Variants in HECW1 observed in about 807,000 individuals in gnomAD.
The protein encoded by HECW1 is E3 ubiquitin-protein ligase HECW1.
A neutral mutation model predicts 182.3 loss-of-function variants in HECW1; 61 were observed. The ratio of observed to expected loss-of-function variants is 0.33; its 90% CI spans 0.27 to 0.41. The LOEUF is 0.41. Among genes scored for constraint, HECW1 ranks in the 10% least tolerant of loss-of-function variants. The probability of loss-of-function intolerance (pLI) is 1.00; values close to 1 mark genes in which losing one functional copy is unlikely to be tolerated. For synonymous variants in HECW1, 859 were observed against 832.6 expected (o/e 1.03, Z -0.55); for missense variants, 1,739 against 2,108.9 (o/e 0.82, Z 3.44).
chr7:43,395,410 C>G (rs2075194138), intron 6 of HECW1, among the ~76,000 whole-genome samples: 1 of 152,192 alleles, frequency 6.6e-6, no homozygotes, highest in Non-Finnish European at 1.5e-5. Flanking sequence ...CATAATTTTG[C>G]AAAGGCAGCT....
intron 6 of HECW1, among the ~76,000 whole-genome samples, chr7:43,362,292 C>T (rs1245526489): frequency 6.6e-6 from 1 of 152,182 alleles, no homozygotes; most frequent in East Asian, 1.9e-4. Context: ...TGGTAGTAAG[C>T]AGTAAGGTAA....
chr7:43,474,399 A>G (rs2078143512), intron 16 of HECW1, among the ~76,000 whole-genome samples: 4 of 152,198 alleles, frequency 2.6e-5, no homozygotes, highest in South Asian at 4.1e-4. Flanking sequence ...CAGTGAGCCG[A>G]GATGGCGCCA....
chr7:43,244,639 G>A (rs1044209249), intron 3 of HECW1, among the ~76,000 whole-genome samples: 3 of 152,174 alleles, frequency 2.0e-5, no homozygotes, highest in African/African-American at 7.2e-5. Context: ...GGGTCATGGA[G>A]GGTTGAGTGG....
intron 8 of HECW1, among the ~76,000 whole-genome samples, chr7:43,434,261 A>C (rs1259732369): frequency 6.6e-6 from 1 of 152,240 alleles, no homozygotes; most frequent in Non-Finnish European, 1.5e-5. Flanking sequence ...AAACTTAAGA[A>C]AGTTCAATAA....
chr7:43,170,328 A>T lies in HECW1; in HGVS notation c.-32+55937A>T, dbSNP rs78902925. Among the ~76,000 whole-genome samples the T allele has an allele frequency of 4.4e-3, 669 of 152,286 alleles. 5 individuals carry two copies. The highest frequency in any genetic ancestry group is 0.015 in the African/African-American group (638 of 41,562). Reference sequence around the variant, plus strand: ...GAAATAAAGTGCACAATAAATGTAAAGTTCTTGAATCATCTCAAAATCATC... The same window carrying T: ...GAAATAAAGTGCACAATAAATGTAATGTTCTTGAATCATCTCAAAATCATC... On this transcript the variant is annotated intron_variant, in intron 2 of 29. Transcript: ENST00000395891.
At chr7:43,305,585 T>TTTGTTGTTG (rs144135825) in intron 3 of HECW1, among the ~76,000 whole-genome samples, 1,871 of 150,752 alleles carry the variant, frequency 0.012, 55 homozygotes, top group African/African-American at 0.044. Context: ...TGGATAGTGT[T>TTTGTTGTTG]TTGTTGTTGT....
chr7:43,351,678 CTTTTT>C (rs200929407), intron 5 of HECW1, among the ~76,000 whole-genome samples: 1 of 120,572 alleles, frequency 8.3e-6, no homozygotes, highest in East Asian at 2.3e-4. Flanking sequence ...TTTCTTTCTT[CTTTTT>C]TTTTTTTTTT....
rs183422069 is a variant in HECW1, at chr7:43,409,172, C to T, written c.801+1441C>T. On this transcript the variant is annotated intron_variant, in intron 8 of 29. Transcript: ENST00000395891. ...TCTCCCAGGCTTCCCAGAAGAGCTT[C>T]GTTAGAGCTTTGAAGTGGACGTGAG... 3.3e-4 allele frequency among the ~76,000 whole-genome samples: 51 copies of T among 152,302 alleles called. 1 individual carries two copies. In the East Asian group the frequency reaches 8.5e-3, roughly 25 times the overall value.
chr7:43,205,815 C>A (rs1182775737), intron 2 of HECW1, among the ~76,000 whole-genome samples: 4 of 152,164 alleles, frequency 2.6e-5, no homozygotes, highest in African/African-American at 4.8e-5. Context: ...CATTTCAGGG[C>A]AAGATGATGG....
At chr7:43,136,535 C>T (rs182134680) in intron 2 of HECW1, among the ~76,000 whole-genome samples, 35 of 152,312 alleles carry the variant, frequency 2.3e-4, no homozygotes, top group African/African-American at 3.8e-4. Context: ...CTGGCAAAAA[C>T]GGGTCACTTC....
chr7:43,231,671 C>A (rs976548769), intron 2 of HECW1, among the ~76,000 whole-genome samples: 3 of 152,028 alleles, frequency 2.0e-5, no homozygotes. Flanking sequence ...TCAGCAGGAA[C>A]CAAGTCCCGG....
rs114312325 is a variant in HECW1, at chr7:43,188,162, A to G, written c.-31-55713A>G. Among the ~76,000 whole-genome samples the G allele has an allele frequency of 3.1e-3, 472 of 152,308 alleles. 2 individuals carry two copies. Among genetic ancestry groups the G allele is most frequent in the African/African-American group, 0.011 (457 of 41,576 alleles). On this transcript the variant is annotated intron_variant, in intron 2 of 29. Coordinates refer to ENST00000395891, the MANE Select transcript of HECW1 (RefSeq NM_015052.5). Reference sequence around the variant, plus strand: ...AAAGGGATTGTTTTCGTGGCTCACCAGTTTCTTCAGCCCCATTCATTCCAA... The same window carrying G: ...AAAGGGATTGTTTTCGTGGCTCACCGGTTTCTTCAGCCCCATTCATTCCAA...
At chr7:43,553,320 A>G (rs920130680) in intron 28 of HECW1, among the ~76,000 whole-genome samples, 6 of 152,150 alleles carry the variant, frequency 3.9e-5, no homozygotes, top group Admixed American at 2.0e-4. Flanking sequence ...AGCCTCCCTC[A>G]TGTCCCCAGT....
At chr7:43,209,394 T>C (rs1003710739) in intron 2 of HECW1, among the ~76,000 whole-genome samples, 5 of 152,186 alleles carry the variant, frequency 3.3e-5, no homozygotes, top group African/African-American at 1.2e-4. Context: ...GGCATCACTC[T>C]GCTTCCTGAG....
chr7:43,254,481 A>T (rs1800358573), intron 3 of HECW1, among the ~76,000 whole-genome samples: 1 of 152,230 alleles, frequency 6.6e-6, no homozygotes. Flanking sequence ...GAAATATCTG[A>T]CTTACTAGAC....
chr7:43,327,311 AT>A, intron 5 of HECW1, among the ~76,000 whole-genome samples: 1 of 152,044 alleles, frequency 6.6e-6, no homozygotes. Flanking sequence ...GTGCCATCTG[AT>A]TTTTTTATAG....
intron 2 of HECW1, chr7:43,240,977 T>TC (rs1420562678): frequency 1.3e-5 from 2 of 152,240 alleles, no homozygotes; most frequent in African/African-American, 4.8e-5. Context: ...GCCACTTGAG[T>TC]CCAACAGAGG....
In HECW1 at chr7:43,479,746, T is replaced by A. The variant is rs1400396007; in HGVS notation, c.3234+2T>A. 1 of 1,613,840 alleles carries A rather than the reference T, an allele frequency of 6.2e-7. No individual in the cohort carries two copies. The highest frequency in any genetic ancestry group is 8.5e-7 in the Non-Finnish European group (1 of 1,179,904). ...CTCCGAAGTTACAGCGCTGGAGAGG[T>A]AACCCTCCCTACACCCCGCCCTACT... On this transcript the variant is annotated splice_donor_variant, in intron 17 of 29. Coordinates refer to ENST00000395891, the MANE Select transcript of HECW1 (RefSeq NM_015052.5). LOFTEE classifies it high-confidence loss of function.
chr7:43,374,773 C>CAAAAAAA (rs66910107), intron 6 of HECW1, among the ~76,000 whole-genome samples: 1 of 14,496 alleles, frequency 6.9e-5, no homozygotes, highest in Non-Finnish European at 9.1e-5. Flanking sequence ...GACTCCGTCT[C>CAAAAAAA]AAAAAAAAAA....
Sources: allele counts gnomAD v4.1 joint callset (sites outside exome capture counted in the v4.1 genomes callset), GRCh38; gene constraint gnomAD v4.1.1; transcripts MANE v1.5; gene names NCBI Gene and HGNC (gene_info 2026-07-23, HGNC 2026-07-21).